The following ADAMTS20 variants were observed in gnomAD, a reference collection of about 807,000 sequenced individuals.
The protein encoded by ADAMTS20 is ADAM metallopeptidase with thrombospondin type 1 motif 20.
A neutral mutation model predicts 260.1 loss-of-function variants in ADAMTS20; 225 were observed. That is an observed-to-expected ratio of 0.87 (90% CI 0.78 to 0.97). ADAMTS20 has a LOEUF of 0.97. Among genes scored for constraint, ADAMTS20 ranks in the 50% least tolerant of loss-of-function variants. ADAMTS20 has a pLI of 0.00. For missense variants in ADAMTS20, 2,400 were observed against 2,337.7 expected, an observed-to-expected ratio of 1.03 and a Z score of -0.55; for synonymous variants, 802 against 769.5, an observed-to-expected ratio of 1.04 and a Z score of -0.70.
At chr12:43,454,511 A>T (rs1313561705) in intron 11 of ADAMTS20, among the ~76,000 whole-genome samples, 2 of 152,210 alleles carry the variant, frequency 1.3e-5, no homozygotes, top group African/African-American at 4.8e-5. Context: ...GGAAACTTAC[A>T]GAAGAATCTA....
At chr12:43,411,361 T>C (rs1949084) in intron 28 of ADAMTS20, among the ~76,000 whole-genome samples, 59,093 of 151,944 alleles carry the variant, frequency 0.39, 12,783 homozygotes, top group East Asian at 0.88. Context: ...GTTGTTTGTT[T>C]GTTTGTTTGT....
chr12:43,442,398 C>T (rs1280349482), intron 16 of ADAMTS20, among the ~76,000 whole-genome samples: 1 of 152,034 alleles, frequency 6.6e-6, no homozygotes, highest in Non-Finnish European at 1.5e-5. Context: ...GCTGGGATTA[C>T]AGGCATGCGC....
chr12:43,550,846 G>C, intron 2 of ADAMTS20, 63 bp downstream of exon 2: 1 of 1,458,736 alleles, frequency 6.9e-7, no homozygotes, highest in Non-Finnish European at 9.1e-7. Flanking sequence ...CCAAGGCCCC[G>C]TTCGCTGAAT....
At chr12:43,538,396 T>C (rs1421398467) in intron 2 of ADAMTS20, among the ~76,000 whole-genome samples, 1 of 152,256 alleles carries the variant, frequency 6.6e-6, no homozygotes, top group Non-Finnish European at 1.5e-5. Context: ...TTGTTTGAAC[T>C]CCTTATATAT....
intron 16 of ADAMTS20, among the ~76,000 whole-genome samples, chr12:43,441,406 A>G (rs1477759244): frequency 1.3e-5 from 2 of 152,178 alleles, no homozygotes; most frequent in Non-Finnish European, 1.5e-5. Context: ...ATTACATGTC[A>G]CCCAAAATCA....
rs751136224 is a variant in ADAMTS20 at position 43,502,194 on chromosome 12, A to G, written c.825T>C (p.His275=). The G allele has an allele frequency of 1.2e-6, 2 of 1,608,844 alleles. No individual in the cohort carries two copies. The highest frequency in any genetic ancestry group is 1.1e-5 in the South Asian group (1 of 90,044). Reference sequence around the variant, plus strand: ...GTATATAGTTTTGCAAATTCGATCCATGAGCAGAAACCACTTTAGCATCAG... The same window carrying G: ...GTATATAGTTTTGCAAATTCGATCCGTGAGCAGAAACCACTTTAGCATCAG... ...VTADAKVVSA[H]GSNLQNYILT... The change falls in exon 4 of 39, where the codon CAT becomes CAC. Residue 275 remains histidine, a synonymous_variant. Transcript: ENST00000389420.
intron 8 of ADAMTS20, among the ~76,000 whole-genome samples, chr12:43,467,143 T>C (rs1301571318): frequency 1.3e-5 from 2 of 152,048 alleles, no homozygotes; most frequent in Non-Finnish European, 2.9e-5. Flanking sequence ...GGATAGAGAT[T>C]AGGTAAAGGT....
At chr12:43,536,140 T>A (rs1009613796) in intron 2 of ADAMTS20, among the ~76,000 whole-genome samples, 1 of 152,102 alleles carries the variant, frequency 6.6e-6, no homozygotes, top group East Asian at 1.9e-4. Flanking sequence ...ATAATAATTA[T>A]TTAAAGTAAA....
chr12:43,535,400 G>A (rs939079913), intron 2 of ADAMTS20, among the ~76,000 whole-genome samples: 2 of 131,922 alleles, frequency 1.5e-5, no homozygotes, highest in Admixed American at 7.3e-5. Context: ...TGCTTGCAGG[G>A]ATTTTTGTCA....
rs1013974169 is a variant in ADAMTS20 at position 43,425,580 on chromosome 12, G to C, written c.4218C>G (p.Ser1406Arg). The C allele has an allele frequency of 1.9e-6, 3 of 1,608,646 alleles. No homozygotes were observed. The highest frequency in any genetic ancestry group is 1.7e-5 in the Admixed American group (1 of 59,588). Residue 1406 changes from serine to arginine, a missense_variant, in exon 28 of 39, where the codon AGC (serine) becomes AGG (arginine). Physicochemically the swap from Ser to Arg is moderately radical, Grantham distance 110. Transcript: ENST00000389420. ...AAGCATGCATATGACACTGTATTACGCTAGGTGGCTTGTTTACAATTTCAC... is the reference window on the plus strand; with the variant it reads ...AAGCATGCATATGACACTGTATTACCCTAGGTGGCTTGTTTACAATTTCAC... The part of the protein sequence containing the change: ...HNCEIVNKPP[S>R]VIQCHMHACP...
chr12:43,421,282 C>CAA (rs61465679), intron 28 of ADAMTS20, among the ~76,000 whole-genome samples: 3 of 118,888 alleles, frequency 2.5e-5, no homozygotes, highest in Non-Finnish European at 3.5e-5. Context: ...CTTTCATTTA[C>CAA]AAAAAAAAAA....
At chr12:43,371,128 C>T (rs2137202321) in intron 36 of ADAMTS20, among the ~76,000 whole-genome samples, 1 of 152,296 alleles carries the variant, frequency 6.6e-6, no homozygotes, top group African/African-American at 2.4e-5. Context: ...ATCCCCCAAC[C>T]TACATTTGAT....
intron 2 of ADAMTS20, among the ~76,000 whole-genome samples, chr12:43,544,760 C>T (rs1339644457): frequency 6.6e-6 from 1 of 152,190 alleles, no homozygotes; most frequent in African/African-American, 2.4e-5. Flanking sequence ...CCACTTCTGT[C>T]ATTGCCTTTT....
chr12:43,404,003 G>A (rs566316501), intron 28 of ADAMTS20, among the ~76,000 whole-genome samples: 3 of 151,892 alleles, frequency 2.0e-5, no homozygotes, highest in African/African-American at 7.3e-5. Context: ...TTTCCTTCTC[G>A]AAACTCCCTT....
chr12:43,515,598 A>G (rs1384199347), intron 3 of ADAMTS20, among the ~76,000 whole-genome samples: 1 of 152,218 alleles, frequency 6.6e-6, no homozygotes, highest in Non-Finnish European at 1.5e-5. Flanking sequence ...TTTGTAAAAT[A>G]AGAAATATTT....
chr12:43,475,898 A>G (rs1942344857), intron 7 of ADAMTS20, among the ~76,000 whole-genome samples: 1 of 131,144 alleles, frequency 7.6e-6, no homozygotes, highest in Admixed American at 8.1e-5. Flanking sequence ...ACCCTAGAAG[A>G]AAACCTAGGC....
At chr12:43,396,745 T>C (rs1297937025) in intron 29 of ADAMTS20, among the ~76,000 whole-genome samples, 2 of 152,148 alleles carry the variant, frequency 1.3e-5, no homozygotes, top group East Asian at 3.9e-4. Flanking sequence ...TCATATTTGG[T>C]GGTAAGCCAA....
chr12:43,387,876 C>T (rs77846938), intron 29 of ADAMTS20, among the ~76,000 whole-genome samples: 6,877 of 152,184 alleles, frequency 0.045, 176 homozygotes, highest in East Asian at 0.1. Flanking sequence ...TGATGCCCCT[C>T]CCCCCACCAA....
chr12:43,441,707 C>T (rs1941669276), intron 16 of ADAMTS20, among the ~76,000 whole-genome samples: 1 of 152,002 alleles, frequency 6.6e-6, no homozygotes. Context: ...TACTTTTTTG[C>T]TTGCTTAAGT....
Sources: gnomAD v4.1 joint callset for allele counts (sites outside exome capture counted in the v4.1 genomes callset) on GRCh38, gnomAD v4.1.1 for gene constraint, MANE v1.5 for transcripts, NCBI Gene and HGNC (gene_info 2026-07-23, HGNC 2026-07-21) for gene names.